Variants in SNHG17 observed in about 807,000 individuals in gnomAD.
The protein encoded by SNHG17 is small nucleolar RNA host gene 17 (non-protein coding).
chr20:38,424,076 C>G (rs907321549), intron 5 of SNHG17, among the ~76,000 whole-genome samples: 2 of 151,280 alleles, frequency 1.3e-5, no homozygotes, highest in African/African-American at 4.9e-5. Context: ...GAGGCTGAGG[C>G]ATGAGAATCA....
chr20:38,426,732 C>T (rs2084254555), intron 3 of SNHG17, among the ~76,000 whole-genome samples: 1 of 150,696 alleles, frequency 6.6e-6, no homozygotes, highest in African/African-American at 2.4e-5. Flanking sequence ...GCCCCAAAGG[C>T]CAGCACAAAA....
chr20:38,433,380 C>T (rs1048003784), intron 2 of SNHG17, among the ~76,000 whole-genome samples: 5 of 152,160 alleles, frequency 3.3e-5, no homozygotes, highest in Non-Finnish European at 7.3e-5. Flanking sequence ...GGCGAAGTGG[C>T]TCACACCTGT....
At chr20:38,424,842 G>A (rs1453028721) in intron 5 of SNHG17, among the ~76,000 whole-genome samples, 2 of 152,192 alleles carry the variant, frequency 1.3e-5, no homozygotes, top group African/African-American at 4.8e-5. Context: ...TTTGACAGGA[G>A]CCTCTGAGTC....
At chr20:38,433,179 T>G (rs2084365882) in intron 2 of SNHG17, among the ~76,000 whole-genome samples, 2 of 152,060 alleles carry the variant, frequency 1.3e-5, no homozygotes, top group South Asian at 4.1e-4. Context: ...TTTCACCATG[T>G]TGGCCAGGAT....
intron 3 of SNHG17, among the ~76,000 whole-genome samples, chr20:38,430,555 G>T (rs1461353424): frequency 6.6e-6 from 1 of 152,194 alleles, no homozygotes; most frequent in Non-Finnish European, 1.5e-5. Context: ...CCGGGAGGCA[G>T]AGGTTGCAGT....
At chr20:38,425,248 C>T (rs374239844) in intron 5 of SNHG17, 35 of 519,042 alleles carry the variant, frequency 6.7e-5, no homozygotes, top group African/African-American at 5.6e-4. Context: ...CCTTCAAACA[C>T]GGGGAAGCGC....
rs1400969887 is a variant in SNHG17 at position 38,426,988 on chromosome 20, T to TTACACA, written n.381-491_381-486dup. 2.4e-3 allele frequency among the ~76,000 whole-genome samples: 292 copies of TTACACA among 122,026 alleles called. 9 individuals carry two copies. Among genetic ancestry groups the TTACACA allele is most frequent in the African/African-American group, 0.011 (249 of 23,708 alleles). 80.1% of individuals were successfully genotyped at this position (122,026 alleles called of 152,430 possible). ...GATGCTACCCTATCCTGTCCCCAAG[T>TTACACA]TACACATACACACACACACACACAC... On this transcript the variant is annotated intron_variant and non_coding_transcript_variant, in intron 3 of 8. Coordinates refer to ENST00000654008, the Ensembl canonical transcript of SNHG17.
intron 2 of SNHG17, among the ~76,000 whole-genome samples, chr20:38,431,443 C>A (rs2084340445): frequency 6.6e-6 from 1 of 152,214 alleles, no homozygotes; most frequent in South Asian, 2.1e-4. Flanking sequence ...AGACCAACGT[C>A]AGAAGCCTGA....
chr20:38,425,582 G>A (rs2084232965), intron 5 of SNHG17, among the ~76,000 whole-genome samples: 1 of 152,178 alleles, frequency 6.6e-6, no homozygotes, highest in African/African-American at 2.4e-5. Context: ...AGTAGGTTGG[G>A]ACAGGGCTAA....
intron 5 of SNHG17, among the ~76,000 whole-genome samples, chr20:38,424,835 GA>G (rs2084218741): frequency 6.6e-6 from 1 of 152,162 alleles, no homozygotes; most frequent in Non-Finnish European, 1.5e-5. Context: ...ACTGTCCTTT[GA>G]CAGGAGCCTC....
At chr20:38,433,752 C>G in intron 2 of SNHG17, 1 of 507,918 alleles carries the variant, frequency 2.0e-6, no homozygotes, top group Non-Finnish European at 3.9e-6. Context: ...GGACTCACCC[C>G]TCATAGACCC....
intron 2 of SNHG17, chr20:38,432,260 C>A: frequency 1.5e-6 from 1 of 667,172 alleles, no homozygotes; most frequent in Non-Finnish European, 1.9e-6. Flanking sequence ...AAGAACCAGT[C>A]ATCAGGGACA....
intron 5 of SNHG17, chr20:38,425,113 C>T: frequency 4.5e-6 from 2 of 442,208 alleles, no homozygotes; most frequent in Non-Finnish European, 9.3e-6. Context: ...CCTGTTGAAC[C>T]TGGTGCCATC....
chr20:38,432,595 G>T (rs1449150740), intron 2 of SNHG17, among the ~76,000 whole-genome samples: 1 of 152,186 alleles, frequency 6.6e-6, no homozygotes, highest in Non-Finnish European at 1.5e-5. Flanking sequence ...TGACCACTGG[G>T]CCAGTGGGAA....
rs567880230 is a variant in SNHG17, at chr20:38,425,536, C to T, written n.579+399G>A. 5.3e-5 allele frequency among the ~76,000 whole-genome samples: 8 copies of T among 152,266 alleles called. No individual in the cohort carries two copies. The East Asian group carries it at 1.5e-3, about 29-fold the overall frequency. ...CGAATCACCTGGAGACCATGTTAAG[C>T]CAGATTGCTGGCTCCAGATCCAAAA... On this transcript the variant is annotated intron_variant and non_coding_transcript_variant, in intron 5 of 8. Transcript: ENST00000654008.
chr20:38,427,690 T>G (rs956319366), intron 3 of SNHG17: 1 of 164,496 alleles, frequency 6.1e-6, no homozygotes, highest in African/African-American at 2.4e-5. Flanking sequence ...CTTTGTTTTC[T>G]GTATCAGGAA....
At chr20:38,422,235 C>T (rs1222778388) in exon 6 of SNHG17, 1 of 152,364 alleles carries the variant, frequency 6.6e-6, no homozygotes, top group Non-Finnish European at 1.5e-5. Flanking sequence ...AGGAACAGCA[C>T]ATGACTCTGC....
intron 5 of SNHG17, among the ~76,000 whole-genome samples, chr20:38,422,395 C>T (rs939713422): frequency 6.6e-6 from 1 of 152,230 alleles, no homozygotes; most frequent in East Asian, 1.9e-4. Context: ...GAACACTTAA[C>T]GCAGGGGCTG....
Position 38,426,009 on chromosome 20 carries a change from T to C in SNHG17, n.505A>G, listed in dbSNP as rs528402615. 3 of 147,792 alleles carry C rather than the reference T, an allele frequency of 2.0e-5. No homozygotes were observed. The South Asian group carries it at 6.4e-4, about 32-fold the overall frequency. The allele number at this position is 147,792 out of a possible 1,614,324, so 9.2% of individuals were successfully genotyped here. A position where few individuals can be genotyped will look rare whatever the true frequency, so the allele number is the denominator to read the frequency against. On this transcript the variant is annotated non_coding_transcript_exon_variant, in exon 5 of 9. Coordinates refer to ENST00000654008, the Ensembl canonical transcript of SNHG17. ...AGGTCGAGGCTGCAGTGAGCCATCA[T>C]TGCACCACTGCACTCCAGCCTGGGT... is the stretch of plus-strand genomic sequence containing the variant.
Sources: allele counts gnomAD v4.1 joint callset (sites outside exome capture counted in the v4.1 genomes callset), GRCh38; gene constraint gnomAD v4.1.1; transcripts MANE v1.5; gene names NCBI Gene and HGNC (gene_info 2026-07-23, HGNC 2026-07-21).